KIAA1217: variants seen among roughly 807,000 people sequenced by gnomAD.
KIAA1217 encodes the protein sickle tail protein homolog.
A neutral mutation model predicts 163.9 loss-of-function variants in KIAA1217; 88 were observed. The observed-to-expected ratio is 0.54, with a 90% confidence interval of 0.45 to 0.64. The LOEUF (loss-of-function observed/expected upper bound fraction) is 0.64. Among genes scored for constraint, KIAA1217 ranks in the 30% least tolerant of loss-of-function variants. The pLI is 0.00. For missense variants in KIAA1217, 2,372 were observed against 2,475.0 expected (o/e 0.96, Z 0.88); for synonymous variants, 903 against 923.1 (o/e 0.98, Z 0.39).
chr10:24,223,928 T>C (rs139234687), intron 2 of KIAA1217, among the ~76,000 whole-genome samples: 1 of 151,404 alleles, frequency 6.6e-6, no homozygotes, highest in East Asian at 2.0e-4. Flanking sequence ...TTCCTGCTAT[T>C]AAACATAAGA....
Position 24,514,818 on chromosome 10 carries a change from C to T in KIAA1217, c.2177+1384C>T, listed in dbSNP as rs976726644. Among the ~76,000 whole-genome samples, 6 of 151,872 alleles carry T rather than the reference C, an allele frequency of 4.0e-5. No individual in the cohort carries two copies. The East Asian group carries it at 7.9e-4, about 20-fold the overall frequency. Reference sequence around the variant, plus strand: ...CAGCCTGGCCAACATGGCAAAACCCCGTCTCTACTAAAAATACAAAAAAAA... The same window carrying T: ...CAGCCTGGCCAACATGGCAAAACCCTGTCTCTACTAAAAATACAAAAAAAA... On this transcript the variant is annotated intron_variant, in intron 10 of 20. Coordinates refer to ENST00000376454, the MANE Select transcript of KIAA1217 (RefSeq NM_019590.5).
intron 1 of KIAA1217, among the ~76,000 whole-genome samples, chr10:23,968,293 G>A (rs1325685005): frequency 6.6e-6 from 1 of 152,154 alleles, no homozygotes; most frequent in African/African-American, 2.4e-5. Context: ...TTACAGAAAA[G>A]AATAGCAAGA....
intron 6 of KIAA1217, among the ~76,000 whole-genome samples, chr10:24,479,450 T>C (rs183367381): frequency 6.6e-6 from 1 of 151,874 alleles, no homozygotes; most frequent in Admixed American, 6.5e-5. Flanking sequence ...CCTTTCTTGC[T>C]GGTATAGTAA....
intron 1 of KIAA1217, among the ~76,000 whole-genome samples, chr10:23,800,871 TTGG>T (rs1298202566): frequency 2.6e-5 from 4 of 152,146 alleles, no homozygotes; most frequent in Non-Finnish European, 5.9e-5. Flanking sequence ...TTTTACACTG[TTGG>T]TGGGAGTGTA....
intron 1 of KIAA1217, among the ~76,000 whole-genome samples, chr10:23,801,435 C>T (rs1836462638): frequency 6.6e-6 from 1 of 152,108 alleles, no homozygotes. Context: ...TGTAACAAAC[C>T]TGCACATTCT....
intron 1 of KIAA1217, among the ~76,000 whole-genome samples, chr10:23,883,134 G>C (rs545481657): frequency 1.3e-5 from 2 of 151,960 alleles, no homozygotes; most frequent in South Asian, 4.1e-4. Flanking sequence ...CATTTCAAGA[G>C]TCAGCCAAAT....
chr10:23,787,292 T>A (rs143823881), intron 1 of KIAA1217, among the ~76,000 whole-genome samples: 72 of 152,312 alleles, frequency 4.7e-4, no homozygotes, highest in Admixed American at 2.1e-3. Flanking sequence ...CTAAGAGATT[T>A]ATGTCATTTG....
At chr10:23,836,935 G>A (rs11591869) in intron 1 of KIAA1217, among the ~76,000 whole-genome samples, 30 of 86,264 alleles carry the variant, frequency 3.5e-4, no homozygotes, top group African/African-American at 1.9e-3. Context: ...GGAAGGAAGG[G>A]AGGGAGGGAG....
chr10:24,146,479 T>C (rs1564753580), intron 2 of KIAA1217, among the ~76,000 whole-genome samples: 1 of 152,126 alleles, frequency 6.6e-6, no homozygotes, highest in Non-Finnish European at 1.5e-5. Context: ...GATTGAAATG[T>C]CCAGCAAGCC....
At chr10:23,760,123 A>G (rs1285228258) in intron 1 of KIAA1217, among the ~76,000 whole-genome samples, 1 of 152,354 alleles carries the variant, frequency 6.6e-6, no homozygotes, top group East Asian at 1.9e-4. Context: ...TAGTTGGCAC[A>G]TGCAGGTTGG....
At chr10:24,353,172 G>A (rs1018959338) in intron 2 of KIAA1217, among the ~76,000 whole-genome samples, 2 of 152,104 alleles carry the variant, frequency 1.3e-5, no homozygotes, top group African/African-American at 2.4e-5. Context: ...AAGGACAGGA[G>A]ATAGAGCCAC....
chr10:23,702,759 T>A (rs1836555311), intron 1 of KIAA1217, among the ~76,000 whole-genome samples: 2 of 152,052 alleles, frequency 1.3e-5, no homozygotes, highest in African/African-American at 4.8e-5. Flanking sequence ...CATACTTATA[T>A]AATCACTCTA....
rs186882400 is a variant in KIAA1217 at position 24,264,717 on chromosome 10, T to G, written c.354+44808T>G. 8.5e-4 allele frequency among the ~76,000 whole-genome samples: 129 copies of G among 152,178 alleles called. 1 individual carries two copies. The highest frequency in any genetic ancestry group is 3.0e-3 in the African/African-American group (125 of 41,534). ...GGCCGTTTGTTACCACCAACATTTT[T>G]CTTAATTTAACCTGAACTTACTTGC... On this transcript the variant is annotated intron_variant, in intron 2 of 20. Transcript: ENST00000376454.
chr10:24,347,647 A>G (rs909353519), intron 2 of KIAA1217, among the ~76,000 whole-genome samples: 6 of 152,130 alleles, frequency 3.9e-5, no homozygotes, highest in Non-Finnish European at 7.3e-5. Context: ...AGGGAGAGAG[A>G]ATGAAAAAAT....
chr10:24,540,983 G>A (rs182770054), intron 17 of KIAA1217, among the ~76,000 whole-genome samples: 14 of 151,798 alleles, frequency 9.2e-5, no homozygotes, highest in South Asian at 2.1e-4. Flanking sequence ...TGACCAGGTC[G>A]GTCTCAAATT....
intron 1 of KIAA1217, among the ~76,000 whole-genome samples, chr10:23,975,949 C>T (rs994866846): frequency 1.3e-5 from 2 of 152,162 alleles, no homozygotes; most frequent in South Asian, 4.1e-4. Flanking sequence ...GGCCATTCAA[C>T]TCTAGGAGCT....
chr10:24,250,358 A>C (rs1276086031), intron 2 of KIAA1217, among the ~76,000 whole-genome samples: 1 of 152,084 alleles, frequency 6.6e-6, no homozygotes, highest in Non-Finnish European at 1.5e-5. Flanking sequence ...AATGACTCCC[A>C]AACACACAGA....
At chr10:24,086,332 T>A (rs1385666895) in intron 2 of KIAA1217, among the ~76,000 whole-genome samples, 3 of 152,220 alleles carry the variant, frequency 2.0e-5, no homozygotes, top group Admixed American at 1.3e-4. Flanking sequence ...GCCACCCTCA[T>A]GTTTTGAGAG....
chr10:23,734,537 C>T (rs578229966), intron 1 of KIAA1217, among the ~76,000 whole-genome samples: 1 of 152,160 alleles, frequency 6.6e-6, no homozygotes, highest in East Asian at 1.9e-4. Context: ...GATCCACCTG[C>T]CTTGGCCTCC....
Sources: gnomAD v4.1 joint callset for allele counts (sites outside exome capture counted in the v4.1 genomes callset) on GRCh38, gnomAD v4.1.1 for gene constraint, MANE v1.5 for transcripts, NCBI Gene and HGNC (gene_info 2026-07-23, HGNC 2026-07-21) for gene names.